The following PARD3B variants were observed in gnomAD, a reference collection of about 807,000 sequenced individuals.
The protein encoded by PARD3B is partitioning defective 3 homolog B.
Under a neutral mutation model 130.2 loss-of-function variants are expected in PARD3B, and 103 were observed. The observed-to-expected ratio is 0.79, with a 90% CI of 0.67 to 0.93. PARD3B has a LOEUF of 0.93. Ranked by LOEUF, PARD3B falls within the 40% of genes least tolerant of loss-of-function variation. The probability of loss-of-function intolerance (pLI) is 0.00; values close to 1 mark genes in which losing one functional copy is unlikely to be tolerated. For missense variants in PARD3B, 1,609 were observed against 1,499.2 expected (o/e 1.07, Z -1.21); for synonymous variants, 583 against 553.2 (o/e 1.05, Z -0.76).
At chr2:205,504,703 C>G (rs949995847) in intron 21 of PARD3B, among the ~76,000 whole-genome samples, 4 of 152,198 alleles carry the variant, frequency 2.6e-5, no homozygotes, top group African/African-American at 7.2e-5. Context: ...CCATCTCACA[C>G]CAGTTAGAAT....
chr2:204,762,018 C>A (rs1049499890), intron 2 of PARD3B, among the ~76,000 whole-genome samples: 1 of 150,472 alleles, frequency 6.6e-6, no homozygotes, highest in African/African-American at 2.4e-5. Context: ...GAAAATGTCT[C>A]TTCTTGCCAT....
At chr2:204,958,895 A>T (rs988119716) in intron 2 of PARD3B, among the ~76,000 whole-genome samples, 5 of 152,178 alleles carry the variant, frequency 3.3e-5, no homozygotes, top group African/African-American at 9.7e-5. Context: ...TGCAGAGTAC[A>T]TGGCTCTTTT....
At chr2:205,502,615 G>A (rs116532482) in intron 21 of PARD3B, among the ~76,000 whole-genome samples, 332 of 152,172 alleles carry the variant, frequency 2.2e-3, no homozygotes, top group Middle Eastern at 0.01. Flanking sequence ...GTTTTCTGGA[G>A]TCATTCTATA....
chr2:204,909,817 G>A (rs2047169013), intron 2 of PARD3B, among the ~76,000 whole-genome samples: 1 of 152,148 alleles, frequency 6.6e-6, no homozygotes, highest in Non-Finnish European at 1.5e-5. Context: ...CAGTATTTCA[G>A]TGCATGAATC....
At chr2:205,483,795 T>G (rs1258417967) in intron 20 of PARD3B, among the ~76,000 whole-genome samples, 1 of 152,186 alleles carries the variant, frequency 6.6e-6, no homozygotes, top group East Asian at 1.9e-4. Context: ...AATTTAAACC[T>G]TGAGGCTTAT....
At chr2:204,642,863 C>T (rs569413504) in intron 1 of PARD3B, among the ~76,000 whole-genome samples, 1 of 151,422 alleles carries the variant, frequency 6.6e-6, no homozygotes, top group South Asian at 2.1e-4. Context: ...CCTGTAATCC[C>T]AGCACTTTGG....
At chr2:205,164,660 C>T (rs908895406) in intron 11 of PARD3B, among the ~76,000 whole-genome samples, 2 of 151,142 alleles carry the variant, frequency 1.3e-5, no homozygotes, top group African/African-American at 4.9e-5. Context: ...TCTCAGTGGG[C>T]TTGAAAAAAT....
At chr2:204,562,138 A>G (rs994896696) in intron 1 of PARD3B, among the ~76,000 whole-genome samples, 2 of 152,156 alleles carry the variant, frequency 1.3e-5, no homozygotes, top group South Asian at 4.2e-4. Context: ...TTTGCTGTGA[A>G]TGATGCCCTC....
chr2:205,044,980 G>T (rs67245770), intron 3 of PARD3B, among the ~76,000 whole-genome samples: 45,354 of 151,884 alleles, frequency 0.3, 7,092 homozygotes, highest in East Asian at 0.46. Context: ...ATTTGCACTT[G>T]TTATTAACAC....
intron 15 of PARD3B, among the ~76,000 whole-genome samples, chr2:205,194,546 GTTCTGTCTTCCCAAT>G (rs1317254727): frequency 6.6e-6 from 1 of 152,100 alleles, no homozygotes; most frequent in Non-Finnish European, 1.5e-5. Flanking sequence ...AACATTTCCT[GTTCTGTCTTCCCAAT>G]TTCTCTGTAA....
rs1387096694 is a variant in PARD3B at position 205,584,090 on chromosome 2, ACAAG to A, written c.3260+30690_3260+30693del. Among the ~76,000 whole-genome samples the A allele has an allele frequency of 6.6e-6, 1 of 152,208 alleles. No homozygotes were observed. Among genetic ancestry groups the A allele is most frequent in the African/African-American group, 2.4e-5 (1 of 41,450 alleles). ...GGAAAATGCTTCAAAGTCAAAAATT[ACAAG>A]CAGTTAATCACAATTGGAAATAATT... On this transcript the variant is annotated intron_variant, in intron 22 of 22. Transcript: ENST00000406610. The surrounding 1 kb of genome is among the most constrained non-coding windows in gnomAD (Gnocchi z 5.5).
chr2:204,706,242 C>T (rs1330557189), intron 2 of PARD3B, among the ~76,000 whole-genome samples: 1 of 151,844 alleles, frequency 6.6e-6, no homozygotes, highest in African/African-American at 2.4e-5. Context: ...TGGCAGGTGC[C>T]TGTAGTCCCA....
intron 4 of PARD3B, among the ~76,000 whole-genome samples, chr2:205,054,984 T>TTATC (rs1241593130): frequency 2.0e-5 from 3 of 152,216 alleles, no homozygotes; most frequent in Non-Finnish European, 2.9e-5. Flanking sequence ...CTATTAGCTG[T>TTATC]TATCTCTCTG....
Position 205,507,196 on chromosome 2 carries a change from A to ATTTTTTTTTTTTTT in PARD3B, c.3180+7188_3180+7201dup. ...ACCTTCATGGCCAGACAGGTGCAGT[A>ATTTTTTTTTTTTTT]TTTTTTTTTTTTTTTTTTTTTTTTT... is the stretch of plus-strand genomic sequence containing the variant. On this transcript the variant is annotated intron_variant, in intron 21 of 22. Transcript: ENST00000406610. Among the ~76,000 whole-genome samples, 53 of 25,194 alleles carry ATTTTTTTTTTTTTT rather than the reference A, an allele frequency of 2.1e-3. 23 individuals are homozygous for ATTTTTTTTTTTTTT. Among genetic ancestry groups the ATTTTTTTTTTTTTT allele is most frequent in the Admixed American group, 6.5e-3 (9 of 1,378 alleles). The allele number at this position is 25,194 out of a possible 152,430, so 16.5% of individuals were successfully genotyped here. A position where few individuals can be genotyped will look rare whatever the true frequency, so the allele number is the denominator to read the frequency against.
chr2:205,104,482 A>T lies in PARD3B; in HGVS notation c.561A>T (p.Leu187=), dbSNP rs1417650163. 1 of 1,596,860 alleles carries T rather than the reference A, an allele frequency of 6.3e-7. No individual in the cohort carries two copies. The change falls in exon 5 of 23, where the codon CTA becomes CTT. Residue 187 remains leucine, a synonymous_variant. Coordinates refer to ENST00000406610, the MANE Select transcript of PARD3B (RefSeq NM_001302769.2). ...REVLNGVQTE[L]LTSPRTKDTL... is the part of the protein sequence containing the mutation. ...TTTTGAATGGTGTACAGACAGAACTACTAACTTCGCCAAGAACTAAGGACA... is the reference window on the plus strand; with the variant it reads ...TTTTGAATGGTGTACAGACAGAACTTCTAACTTCGCCAAGAACTAAGGACA...
chr2:205,033,419 T>G (rs1037268951), intron 3 of PARD3B, among the ~76,000 whole-genome samples: 2 of 152,218 alleles, frequency 1.3e-5, no homozygotes, highest in Admixed American at 1.3e-4. Flanking sequence ...ATAATCTATT[T>G]CTTCCTGCTA....
intron 22 of PARD3B, among the ~76,000 whole-genome samples, chr2:205,602,747 GTCT>G (rs1276635787): frequency 4.0e-5 from 6 of 151,878 alleles, no homozygotes; most frequent in African/African-American, 1.5e-4. Context: ...TTCTATTTGA[GTCT>G]TCTTTTCTTC....
At chr2:204,986,634 A>G (rs772777018) in intron 3 of PARD3B, among the ~76,000 whole-genome samples, 16 of 152,246 alleles carry the variant, frequency 1.1e-4, no homozygotes, top group African/African-American at 1.7e-4. Context: ...TAGATTTCAC[A>G]GATGAGGATT....
intron 3 of PARD3B, among the ~76,000 whole-genome samples, chr2:205,007,343 G>A (rs999753523): frequency 3.9e-5 from 6 of 152,156 alleles, no homozygotes; most frequent in Middle Eastern, 6.8e-3. Flanking sequence ...GGACTAATAC[G>A]CCATCTTGAG....
Sources: gnomAD v4.1 joint callset for allele counts (sites outside exome capture counted in the v4.1 genomes callset) on GRCh38, gnomAD v4.1.1 for gene constraint, Gnocchi (gnomAD v3.1) non-coding constraint, MANE v1.5 for transcripts, NCBI Gene and HGNC (gene_info 2026-07-23, HGNC 2026-07-21) for gene names.